SNX29: variants seen among roughly 807,000 people sequenced by gnomAD.
SNX29 encodes the protein sorting nexin 29, also known as sorting nexin-29.
In SNX29, 78 loss-of-function variants were observed where a neutral mutation model predicts 102.1. The ratio of observed to expected loss-of-function variants is 0.76; its 90% CI spans 0.64 to 0.92. The LOEUF is 0.92. Ranked by LOEUF, SNX29 falls within the 40% of genes least tolerant of loss-of-function variation. SNX29 has a pLI of 0.00. For missense variants in SNX29, 1,280 were observed against 1,061.7 expected, an observed-to-expected ratio of 1.21 and a Z score of -2.86; for synonymous variants, 580 against 414.5, an observed-to-expected ratio of 1.40 and a Z score of -4.85.
chr16:12,307,822 C>G (rs2080388308), intron 15 of SNX29, among the ~76,000 whole-genome samples: 1 of 152,222 alleles, frequency 6.6e-6, no homozygotes, highest in African/African-American at 2.4e-5. Flanking sequence ...CAGCAAAGTC[C>G]TGCTACCCTG....
At chr16:12,425,994 G>A (rs2085062704) in intron 18 of SNX29, among the ~76,000 whole-genome samples, 1 of 152,020 alleles carries the variant, frequency 6.6e-6, no homozygotes, top group Non-Finnish European at 1.5e-5. Context: ...GATAGGCCTT[G>A]GGCATTGGCC....
At position 12,435,938 on chromosome 16, in the gene SNX29, G is replaced by A. The variant is rs143100159; in HGVS notation, c.2037+32409G>A. On this transcript the variant is annotated intron_variant, in intron 18 of 20. Transcript: ENST00000566228. ...GCACGCTATCTGTGGGAACAGCGAC[G>A]CCACACACGTGCCGCGCGTTACTTC... 5.1e-4 allele frequency among the ~76,000 whole-genome samples: 77 copies of A among 152,274 alleles called. 1 individual carries two copies. In the East Asian group the frequency reaches 0.012, roughly 25 times the overall value.
chr16:12,059,942 C>T (rs997292359), intron 8 of SNX29, among the ~76,000 whole-genome samples: 1 of 152,158 alleles, frequency 6.6e-6, no homozygotes, highest in African/African-American at 2.4e-5. Flanking sequence ...ACTTTTTCTT[C>T]TTTTGCCTCC....
chr16:12,378,683 A>T (rs1373864281), intron 16 of SNX29, among the ~76,000 whole-genome samples: 1 of 152,130 alleles, frequency 6.6e-6, no homozygotes, highest in Non-Finnish European at 1.5e-5. Context: ...TGAGGTTTGG[A>T]GGGAGCAGGC....
intron 18 of SNX29, among the ~76,000 whole-genome samples, chr16:12,449,282 G>A (rs907858791): frequency 2.0e-5 from 3 of 151,914 alleles, no homozygotes; most frequent in Non-Finnish European, 4.4e-5. Context: ...GAAGATGCTG[G>A]AGGCAAGCCC....
chr16:12,021,041 G>A (rs1308303334), intron 3 of SNX29, among the ~76,000 whole-genome samples: 1 of 152,202 alleles, frequency 6.6e-6, no homozygotes, highest in Non-Finnish European at 1.5e-5. Flanking sequence ...CTCCATTCCA[G>A]CTAACATTGG....
intron 18 of SNX29, among the ~76,000 whole-genome samples, chr16:12,436,406 G>C (rs1056946013): frequency 2.0e-5 from 3 of 152,240 alleles, no homozygotes; most frequent in Admixed American, 2.0e-4. Context: ...TGACATTTCC[G>C]TGTGTAAGGT....
intron 1 of SNX29, among the ~76,000 whole-genome samples, chr16:11,985,100 C>T (rs398700): frequency 6.1e-4 from 92 of 150,802 alleles, no homozygotes; most frequent in Admixed American, 2.2e-3. Context: ...CTTTTGATTC[C>T]TTTTTTTTTT....
Position 12,572,458 on chromosome 16 carries a change from T to G in SNX29, c.*3829T>G. The stretch of plus-strand genomic sequence containing the variant: ...CCTCTCTTGGTTCTGCATGGTACAT[T>G]TTGCCAACCCTGAGGACCAGTTCTT... On this transcript the variant is annotated 3_prime_UTR_variant, in exon 21 of 21. Coordinates refer to ENST00000566228, the MANE Select transcript of SNX29 (RefSeq NM_032167.5). 7 of 1,063,364 alleles carry G rather than the reference T, an allele frequency of 6.6e-6. No individual in the cohort carries two copies. The highest frequency in any genetic ancestry group is 8.0e-6 in the Non-Finnish European group (7 of 878,052). 65.9% of individuals were successfully genotyped at this position (1,063,364 alleles called of 1,614,324 possible).
intron 20 of SNX29, among the ~76,000 whole-genome samples, chr16:12,540,077 T>A (rs1032900538): frequency 3.9e-5 from 6 of 152,252 alleles, no homozygotes; most frequent in Non-Finnish European, 5.9e-5. Context: ...TGGTGTCATG[T>A]CTACCAATTG....
At chr16:12,023,501 C>T (rs181670474) in intron 3 of SNX29, among the ~76,000 whole-genome samples, 353 of 149,872 alleles carry the variant, frequency 2.4e-3, no homozygotes, top group Non-Finnish European at 4.0e-3. Flanking sequence ...TCGTTTGAGC[C>T]TGGGAGATTG....
chr16:12,008,232 C>T (rs761742957), intron 3 of SNX29, among the ~76,000 whole-genome samples: 24 of 152,132 alleles, frequency 1.6e-4, no homozygotes, highest in Non-Finnish European at 2.5e-4. Context: ...GCGTGAGCCA[C>T]TGCGCCTGGC....
intron 18 of SNX29, among the ~76,000 whole-genome samples, chr16:12,475,247 A>G (rs964752925): frequency 2.6e-4 from 39 of 152,316 alleles, no homozygotes; most frequent in African/African-American, 8.9e-4. Flanking sequence ...CTTTGGTTGC[A>G]TTCGGGATTC....
At chr16:12,163,308 C>T (rs146381349) in intron 13 of SNX29, among the ~76,000 whole-genome samples, 2 of 152,210 alleles carry the variant, frequency 1.3e-5, no homozygotes, top group African/African-American at 4.8e-5. Flanking sequence ...GTCTGGAAGG[C>T]TGATTAGGGG....
intron 16 of SNX29, among the ~76,000 whole-genome samples, chr16:12,376,454 G>A (rs2082876672): frequency 6.6e-6 from 1 of 152,214 alleles, no homozygotes; most frequent in East Asian, 1.9e-4. Context: ...CTGTGGCAGG[G>A]GCCAGGCATG....
rs780473002 is a variant in SNX29, at chr16:12,568,600, A to G, written c.2413A>G (p.Asn805Asp). Residue 805 changes from asparagine to aspartate, a missense_variant, in exon 21 of 21, where the codon AAC (asparagine) becomes GAC (aspartate). Physicochemically the swap from Asn to Asp is conservative, Grantham distance 23. Transcript: ENST00000566228. ...CCGGGGTCAGCCCCGGGAGACCCGC[A>G]ACGTGGAGCCCCAGAGCGGTGACCT... ...LSRGQPRETR[N>D]VEPQSGDL 39 of 1,605,442 alleles carry G rather than the reference A, an allele frequency of 2.4e-5. No homozygotes were observed. Among genetic ancestry groups the G allele is most frequent in the Non-Finnish European group, 3.4e-6 (4 of 1,179,818 alleles).
rs368428549 is a variant in SNX29 at position 12,097,315 on chromosome 16, AC to A, written c.1402+18401del. Among the ~76,000 whole-genome samples the A allele has an allele frequency of 2.9e-4, 44 of 152,296 alleles. 1 individual carries two copies. Among genetic ancestry groups the A allele is most frequent in the African/African-American group, 9.6e-4 (40 of 41,572 alleles). On this transcript the variant is annotated intron_variant, in intron 11 of 20. Coordinates refer to ENST00000566228, the MANE Select transcript of SNX29 (RefSeq NM_032167.5). ...CCAGTGGCCGGTGGAGCTGGGTTGC[AC>A]AGCTAGGCTCTTACTCCGGGAAGAA...
chr16:12,262,409 AT>A (rs1451519379), intron 14 of SNX29, among the ~76,000 whole-genome samples: 1 of 152,228 alleles, frequency 6.6e-6, no homozygotes, highest in Non-Finnish European at 1.5e-5. Flanking sequence ...CTAGACATTC[AT>A]CCCAAAGAGA....
At chr16:12,544,071 G>A (rs1597866197) in intron 20 of SNX29, among the ~76,000 whole-genome samples, 1 of 152,186 alleles carries the variant, frequency 6.6e-6, no homozygotes, top group Admixed American at 6.5e-5. Context: ...CATTGGTAGG[G>A]GTAGAGGTCT....
Sources: gnomAD v4.1 joint callset for allele counts (sites outside exome capture counted in the v4.1 genomes callset) on GRCh38, gnomAD v4.1.1 for gene constraint, MANE v1.5 for transcripts, NCBI Gene and HGNC (gene_info 2026-07-23, HGNC 2026-07-21) for gene names.